The following CACNG3 variants were observed in gnomAD, a reference collection of about 807,000 sequenced individuals.
The protein encoded by CACNG3 is voltage-dependent calcium channel gamma-3 subunit.
CACNG3 carries 3 observed loss-of-function variants against 28.5 expected under a neutral mutation model. The observed-to-expected ratio is 0.11, with a 90% CI of 0.05 to 0.27. The LOEUF is 0.27. Ranked by LOEUF, CACNG3 falls within the 10% of genes least tolerant of loss-of-function variation. The pLI is 1.00. For missense variants in CACNG3, 236 were observed against 414.4 expected (o/e 0.57, Z 3.74); for synonymous variants, 174 against 162.2 (o/e 1.07, Z -0.55).
chr16:24,357,773 G>A (rs138425885), intron 3 of CACNG3, among the ~76,000 whole-genome samples: 9 of 152,340 alleles, frequency 5.9e-5, no homozygotes, highest in East Asian at 1.9e-4. Flanking sequence ...GTGCTTGGCC[G>A]ATCCAGAGGA....
At chr16:24,346,859 T>C in intron 2 of CACNG3, 42 bp downstream of exon 2, 2 of 1,489,052 alleles carry the variant, frequency 1.3e-6, no homozygotes, top group Non-Finnish European at 1.9e-6. Context: ...GAGGAAGGGA[T>C]GGGCCTCTGC....
At chr16:24,350,464 A>C (rs143140268) in intron 2 of CACNG3, among the ~76,000 whole-genome samples, 2 of 152,006 alleles carry the variant, frequency 1.3e-5, no homozygotes, top group African/African-American at 4.8e-5. Flanking sequence ...TGTCTGGCTA[A>C]TTTCTTTTTA....
chr16:24,324,428 G>A (rs1899508753), intron 1 of CACNG3, among the ~76,000 whole-genome samples: 1 of 152,040 alleles, frequency 6.6e-6, no homozygotes, highest in South Asian at 2.1e-4. Context: ...AAAAAGCATA[G>A]ACATCACTGG....
chr16:24,305,318 ATATGTGTGTGTGTGTG>A (rs1386257258), intron 1 of CACNG3, among the ~76,000 whole-genome samples: 4 of 118,406 alleles, frequency 3.4e-5, no homozygotes, highest in African/African-American at 6.5e-5. Flanking sequence ...ATATACATAA[ATATGTGTGTGTGTGTG>A]TGTGTGTGTG....
chr16:24,259,331 G>A (rs1190523245), intron 1 of CACNG3, among the ~76,000 whole-genome samples: 1 of 152,196 alleles, frequency 6.6e-6, no homozygotes, highest in African/African-American at 2.4e-5. Flanking sequence ...CAAGTGTTTG[G>A]GGAATTTGCA....
rs1015020573 is a variant in CACNG3, at chr16:24,257,422, A to G, written c.211+457A>G. ...GAGAGAGAGAGAGAGAGAGAGAGAG[A>G]GAGAGATCCTGACCCGGTCTGGCAC... On this transcript the variant is annotated intron_variant, in intron 1 of 3. Transcript: ENST00000005284. Among the ~76,000 whole-genome samples, 34 of 124,562 alleles carry G rather than the reference A, an allele frequency of 2.7e-4. No homozygotes were observed. The East Asian group carries it at 3.6e-3, about 13-fold the overall frequency. The allele number at this position is 124,562 out of a possible 152,430, so 81.7% of individuals were successfully genotyped here. A position where few individuals can be genotyped will look rare whatever the true frequency, so the allele number is the denominator to read the frequency against.
At chr16:24,309,064 C>T (rs931707894) in intron 1 of CACNG3, among the ~76,000 whole-genome samples, 2 of 152,022 alleles carry the variant, frequency 1.3e-5, no homozygotes, top group African/African-American at 2.4e-5. Flanking sequence ...AGCAATCTGC[C>T]TAAGGTTACA....
intron 3 of CACNG3, among the ~76,000 whole-genome samples, chr16:24,360,524 A>G (rs920672882): frequency 6.6e-6 from 1 of 152,212 alleles, no homozygotes; most frequent in Non-Finnish European, 1.5e-5. Context: ...GTGCAGATGA[A>G]AAGACTTGGT....
At chr16:24,272,769 C>T (rs1898707107) in intron 1 of CACNG3, among the ~76,000 whole-genome samples, 1 of 152,112 alleles carries the variant, frequency 6.6e-6, no homozygotes, top group Non-Finnish European at 1.5e-5. Flanking sequence ...GATCTTTCTA[C>T]ATCAGTAGAG....
chr16:24,314,753 C>CTCCTCCTCCTCT (rs1567216517), intron 1 of CACNG3, among the ~76,000 whole-genome samples: 3 of 150,306 alleles, frequency 2.0e-5, no homozygotes, highest in African/African-American at 7.3e-5. Flanking sequence ...CCTCCTCCTC[C>CTCCTCCTCCTCT]TCCTCCTCCT....
At chr16:24,266,461 C>T (rs911713177) in intron 1 of CACNG3, among the ~76,000 whole-genome samples, 13 of 152,146 alleles carry the variant, frequency 8.5e-5, no homozygotes, top group African/African-American at 2.7e-4. Flanking sequence ...CTGAGGGTGA[C>T]ACTTAGGGTC....
At chr16:24,273,467 C>T (rs959957511) in intron 1 of CACNG3, among the ~76,000 whole-genome samples, 1 of 152,222 alleles carries the variant, frequency 6.6e-6, no homozygotes, top group African/African-American at 2.4e-5. Flanking sequence ...ACATTCCTCA[C>T]TTCCATCTAC....
intron 1 of CACNG3, among the ~76,000 whole-genome samples, chr16:24,258,467 C>A (rs575583567): frequency 1.3e-5 from 2 of 152,296 alleles, no homozygotes; most frequent in East Asian, 3.9e-4. Flanking sequence ...TCAGTTTATT[C>A]ATCTGGGAAA....
At chr16:24,283,324 C>T (rs1201952366) in intron 1 of CACNG3, among the ~76,000 whole-genome samples, 2 of 152,158 alleles carry the variant, frequency 1.3e-5, no homozygotes, top group Non-Finnish European at 2.9e-5. Context: ...TGAGACTTCG[C>T]ATTTAACAAC....
Position 24,314,967 on chromosome 16 carries a change from A to AAGAT in CACNG3, c.212-31764_212-31761dup, listed in dbSNP as rs367921921. Among the ~76,000 whole-genome samples, 42 of 152,250 alleles carry AAGAT rather than the reference A, an allele frequency of 2.8e-4. No individual in the cohort carries two copies. In the East Asian group the frequency reaches 7.7e-3, roughly 28 times the overall value. ...GCATAAAGAAGCTGTGAGCTTGTGC[A>AAGAT]AGATAGTTTTATTCTCCACCTGGGT... On this transcript the variant is annotated intron_variant, in intron 1 of 3. Transcript: ENST00000005284.
chr16:24,309,595 T>G (rs916156455), intron 1 of CACNG3, among the ~76,000 whole-genome samples: 1 of 152,158 alleles, frequency 6.6e-6, no homozygotes, highest in Non-Finnish European at 1.5e-5. Flanking sequence ...CATGCAGGGG[T>G]GCCTGGTGCC....
chr16:24,346,635 C>T (rs9929027), intron 1 of CACNG3, 99 bp from the exon 2 acceptor site: 29,762 of 797,800 alleles, frequency 0.037, 1,078 homozygotes, highest in African/African-American at 0.15. Context: ...CAGCCCCCAA[C>T]AACCAGAGAA....
Position 24,317,676 on chromosome 16 carries a change from G to GAAAGAAAGAAAGAA in CACNG3, c.212-29056_212-29043dup, listed in dbSNP as rs1899396183. ...AGAAAGAAAGAAAGAAAGAAAGAAA[G>GAAAGAAAGAAAGAA]AAAGAAAGAAAGAAAGAAAGAAAGA... On this transcript the variant is annotated intron_variant, in intron 1 of 3. Transcript: ENST00000005284. Among the ~76,000 whole-genome samples the GAAAGAAAGAAAGAA allele has an allele frequency of 3.0e-5, 3 of 99,844 alleles. 1 individual carries two copies. The South Asian group carries it at 9.0e-4, about 30-fold the overall frequency. 65.5% of individuals were successfully genotyped at this position (99,844 alleles called of 152,430 possible).
In CACNG3 at chr16:24,281,769, C is replaced by T. The variant is rs150359069; in HGVS notation, c.211+24804C>T. ...ACCAGTTGCTACATGTTCTGACCAG[C>T]ATGAATGCTTTTTTCGTGTGCTTCT... On this transcript the variant is annotated intron_variant, in intron 1 of 3. Coordinates refer to ENST00000005284, the MANE Select transcript of CACNG3 (RefSeq NM_006539.4). 5.5e-3 allele frequency among the ~76,000 whole-genome samples: 835 copies of T among 152,220 alleles called. 5 individuals are homozygous for T. Among genetic ancestry groups the T allele is most frequent in the Non-Finnish European group, 7.0e-3 (476 of 68,028 alleles).
Sources: allele counts gnomAD v4.1 joint callset (sites outside exome capture counted in the v4.1 genomes callset), GRCh38; gene constraint gnomAD v4.1.1; transcripts MANE v1.5; gene names NCBI Gene and HGNC (gene_info 2026-07-23, HGNC 2026-07-21).